Variants in MAP3K13 observed in about 807,000 individuals in gnomAD.
MAP3K13 encodes leucine zipper-bearing kinase.
Under a neutral mutation model 104.0 loss-of-function variants are expected in MAP3K13, and 52 were observed. The ratio of observed to expected loss-of-function variants is 0.50; its 90% CI spans 0.40 to 0.63. The LOEUF (loss-of-function observed/expected upper bound fraction) is 0.63, where lower values mean the gene tolerates loss of function less well. MAP3K13 is among the 20% of genes least tolerant of loss of function. MAP3K13 has a pLI of 0.00. For synonymous variants in MAP3K13, 394 were observed against 442.2 expected, an observed-to-expected ratio of 0.89 and a Z score of 1.37; for missense variants, 914 against 1,218.5, an observed-to-expected ratio of 0.75 and a Z score of 3.72.
At chr3:185,370,293 C>G (rs1392413011) in intron 1 of MAP3K13, among the ~76,000 whole-genome samples, 1 of 152,166 alleles carries the variant, frequency 6.6e-6, no homozygotes, top group Non-Finnish European at 1.5e-5. Context: ...CTCCTGGGTT[C>G]AAGCGATTCT....
intron 1 of MAP3K13, among the ~76,000 whole-genome samples, chr3:185,404,175 AAATAC>A (rs1712975164): frequency 4.6e-5 from 7 of 152,262 alleles, no homozygotes; most frequent in Admixed American, 2.6e-4. Context: ...GTGTAAGATT[AAATAC>A]TGGAAATAGA....
chr3:185,344,578 C>A (rs1312842208), intron 2 of MAP3K13, among the ~76,000 whole-genome samples: 1 of 152,182 alleles, frequency 6.6e-6, no homozygotes, highest in Non-Finnish European at 1.5e-5. Context: ...TATCATTAGC[C>A]ATTTAATAAT....
intron 2 of MAP3K13, among the ~76,000 whole-genome samples, chr3:185,294,844 C>G (rs1055444670): frequency 6.6e-6 from 1 of 152,194 alleles, no homozygotes; most frequent in African/African-American, 2.4e-5. Context: ...CCTCATGAAA[C>G]TAATCCATTG....
chr3:185,395,179 T>C (rs1214316610), intron 1 of MAP3K13, among the ~76,000 whole-genome samples: 1 of 151,974 alleles, frequency 6.6e-6, no homozygotes, highest in Admixed American at 6.6e-5. Context: ...TCAAATACTT[T>C]GCTTTTCTCT....
At chr3:185,368,205 A>G (rs1237244172) in intron 1 of MAP3K13, among the ~76,000 whole-genome samples, 1 of 152,192 alleles carries the variant, frequency 6.6e-6, no homozygotes, top group East Asian at 1.9e-4. Flanking sequence ...TGAAGTAGGT[A>G]GTAGTATTCC....
Position 185,486,842 on chromosome 3 carries a change from C to G in MAP3K13, c.*4386C>G, listed in dbSNP as rs750985387. 1 of 152,142 alleles carries G rather than the reference C, an allele frequency of 6.6e-6. No homozygotes were observed. The highest frequency in any genetic ancestry group is 1.5e-5 in the Non-Finnish European group (1 of 68,018). 9.4% of individuals were successfully genotyped at this position (152,142 alleles called of 1,614,324 possible). A position where few individuals can be genotyped will look rare whatever the true frequency, so the allele number is the denominator to read the frequency against. ...TGCAGAGGGGCTGAGAAGCCTGCATCTACTTTGAAATTATAATGGACCTTA... is the reference window on the plus strand; with the variant it reads ...TGCAGAGGGGCTGAGAAGCCTGCATGTACTTTGAAATTATAATGGACCTTA... On this transcript the variant is annotated 3_prime_UTR_variant, in exon 14 of 14. Transcript: ENST00000265026.
At chr3:185,355,242 C>T (rs1441837239) in intron 2 of MAP3K13, among the ~76,000 whole-genome samples, 9 of 152,026 alleles carry the variant, frequency 5.9e-5, no homozygotes, top group African/African-American at 4.8e-5. Flanking sequence ...GAGGCTGAGG[C>T]GGGCAGATCA....
chr3:185,430,823 T>C (rs967045605), intron 2 of MAP3K13, among the ~76,000 whole-genome samples: 4 of 152,212 alleles, frequency 2.6e-5, no homozygotes, highest in African/African-American at 7.2e-5. Context: ...TGTGTGTGTA[T>C]ACTTTTAAAA....
chr3:185,402,600 A>G (rs1560087796), intron 1 of MAP3K13, among the ~76,000 whole-genome samples: 1 of 152,214 alleles, frequency 6.6e-6, no homozygotes, highest in Non-Finnish European at 1.5e-5. Flanking sequence ...GATCTCTAAC[A>G]TCTCCACGGT....
intron 1 of MAP3K13, among the ~76,000 whole-genome samples, chr3:185,395,428 G>C (rs1346269048): frequency 1.2e-5 from 1 of 85,150 alleles, no homozygotes; most frequent in African/African-American, 4.4e-5. Flanking sequence ...GTGCGATCTC[G>C]GCTCACTGCA....
upstream of MAP3K13, among the ~76,000 whole-genome samples, chr3:185,360,475 C>T (rs1320526801): frequency 6.6e-6 from 1 of 152,148 alleles, no homozygotes; most frequent in Non-Finnish European, 1.5e-5. Flanking sequence ...AGACTGACTT[C>T]TATATCTTCC....
intron 10 of MAP3K13, among the ~76,000 whole-genome samples, chr3:185,471,451 CTTTTTTTTTTT>C (rs71164510): frequency 6.4e-4 from 48 of 75,430 alleles, no homozygotes; most frequent in Admixed American, 2.8e-3. Context: ...ACGACCTTTA[CTTTTTTTTTTT>C]TTTTTTTTTT....
chr3:185,373,892 A>G (rs1258194797), intron 1 of MAP3K13, among the ~76,000 whole-genome samples: 1 of 141,638 alleles, frequency 7.1e-6, no homozygotes, highest in Admixed American at 7.4e-5. Context: ...AGGCGGGCTG[A>G]GTCCGCAAAA....
intron 2 of MAP3K13, among the ~76,000 whole-genome samples, chr3:185,311,345 A>T (rs1372614124): frequency 6.6e-6 from 1 of 151,960 alleles, no homozygotes; most frequent in Admixed American, 6.6e-5. Context: ...AAAAGTGAAA[A>T]CCCCTGATAA....
At chr3:185,480,725 T>G (rs1375146318) in intron 13 of MAP3K13, among the ~76,000 whole-genome samples, 196 bp downstream of exon 13, 3 of 152,166 alleles carry the variant, frequency 2.0e-5, no homozygotes, top group African/African-American at 7.2e-5. Flanking sequence ...TGACTCACAC[T>G]TCCACAAGCT....
intron 2 of MAP3K13, among the ~76,000 whole-genome samples, chr3:185,431,904 C>T (rs541474982): frequency 6.6e-5 from 10 of 152,258 alleles, no homozygotes; most frequent in Admixed American, 2.0e-4. Flanking sequence ...ATCATCTATT[C>T]TTGCTCCATG....
chr3:185,462,644 G>A (rs1577602535), intron 7 of MAP3K13, among the ~76,000 whole-genome samples: 1 of 152,124 alleles, frequency 6.6e-6, no homozygotes, highest in East Asian at 1.9e-4. Context: ...GTGGTGGCAC[G>A]TTCCTGTAAT....
intron 2 of MAP3K13, among the ~76,000 whole-genome samples, chr3:185,327,344 T>A (rs1722073904): frequency 6.6e-6 from 1 of 152,204 alleles, no homozygotes; most frequent in South Asian, 2.1e-4. Context: ...TAATCACATC[T>A]GCAAAGTCCC....
intron 2 of MAP3K13, among the ~76,000 whole-genome samples, chr3:185,336,332 T>C (rs890042146): frequency 6.6e-6 from 1 of 151,890 alleles, no homozygotes; most frequent in African/African-American, 2.4e-5. Context: ...GCTTGAGGTC[T>C]GGAGTTCAAG....
Sources: gnomAD v4.1 joint callset for allele counts (sites outside exome capture counted in the v4.1 genomes callset) on GRCh38, gnomAD v4.1.1 for gene constraint, MANE v1.5 for transcripts, NCBI Gene and HGNC (gene_info 2026-07-23, HGNC 2026-07-21) for gene names.